The following WNK1 variants were observed in gnomAD, a reference collection of about 807,000 sequenced individuals.
WNK1 encodes serine/threonine-protein kinase WNK1.
WNK1 carries 38 observed loss-of-function variants against 222.8 expected under a neutral mutation model. The ratio of observed to expected loss-of-function variants is 0.17; its 90% CI spans 0.13 to 0.22. WNK1 has a LOEUF of 0.22. WNK1 is among the 10% of genes least tolerant of loss of function. WNK1 has a pLI of 1.00. For synonymous variants in WNK1, 1,090 were observed against 1,092.9 expected, an observed-to-expected ratio of 1.00 and a Z score of 0.05; for missense variants, 2,348 against 2,918.4, an observed-to-expected ratio of 0.80 and a Z score of 4.50.
intron 8 of WNK1, among the ~76,000 whole-genome samples, chr12:869,451 G>A (rs1444322857): frequency 6.6e-6 from 1 of 152,058 alleles, no homozygotes; most frequent in Non-Finnish European, 1.5e-5. Context: ...CATTATTTAG[G>A]AATACAAATC....
intron 4 of WNK1, among the ~76,000 whole-genome samples, chr12:846,618 G>A (rs1463099292): frequency 6.6e-6 from 1 of 152,178 alleles, no homozygotes; most frequent in African/African-American, 2.4e-5. Context: ...GCTGAATCCA[G>A]CCCTATAACA....
intron 1 of WNK1, among the ~76,000 whole-genome samples, 176 bp from the exon 2 acceptor site, chr12:813,459 AAGATACT>A (rs1947084483): frequency 6.6e-6 from 1 of 152,234 alleles, no homozygotes; most frequent in Admixed American, 6.5e-5. Context: ...ATTAACAGTA[AAGATACT>A]AAAATGATCT....
At chr12:789,535 T>C (rs1016427781) in intron 1 of WNK1, among the ~76,000 whole-genome samples, 1 of 75,856 alleles carries the variant, frequency 1.3e-5, no homozygotes, top group East Asian at 2.6e-4. Context: ...GTTATACTCC[T>C]TTTTTTTTTT....
At chr12:822,194 A>G (rs1342682152) in intron 2 of WNK1, among the ~76,000 whole-genome samples, 3 of 148,898 alleles carry the variant, frequency 2.0e-5, no homozygotes, top group Non-Finnish European at 4.4e-5. Flanking sequence ...CCCGGGTTCA[A>G]GCGATTCTCC....
chr12:770,500 T>C (rs1228106195), intron 1 of WNK1, among the ~76,000 whole-genome samples: 1 of 152,270 alleles, frequency 6.6e-6, no homozygotes, highest in Admixed American at 6.5e-5. Context: ...ATGTGACTAC[T>C]AGAAAATTAA....
chr12:859,707 A>ATT (rs56249691), intron 6 of WNK1, among the ~76,000 whole-genome samples: 3 of 140,304 alleles, frequency 2.1e-5, no homozygotes, highest in Non-Finnish European at 4.7e-5. Flanking sequence ...TTAAAAGTAA[A>ATT]TTTTTTTTTT....
At chr12:875,406 T>G (rs1952516065) in intron 9 of WNK1, among the ~76,000 whole-genome samples, 1 of 151,846 alleles carries the variant, frequency 6.6e-6, no homozygotes, top group Non-Finnish European at 1.5e-5. Flanking sequence ...ATGAAACAGG[T>G]GAGAACAAAT....
Position 880,021 on chromosome 12 carries a change from T to A in WNK1, c.2822T>A (p.Val941Asp), listed in dbSNP as rs1209146414. The A allele has an allele frequency of 1.2e-6, 2 of 1,614,104 alleles. No individual in the cohort carries two copies. Among genetic ancestry groups the A allele is most frequent in the Non-Finnish European group, 1.7e-6 (2 of 1,180,002 alleles). ...AAEVPLSSGD[V>D]LYQGFPPRLP... ...GAGGTTCCACTTTCCTCTGGAGATGTTCTGTACCAGGTATTGTGTTAGTTA... is the reference window on the plus strand; with the variant it reads ...GAGGTTCCACTTTCCTCTGGAGATGATCTGTACCAGGTATTGTGTTAGTTA... The change falls in exon 11 of 28, where the codon GTT (valine) becomes GAT (aspartate). Residue 941 changes from valine (V) to aspartate (D), a missense_variant. Physicochemically the swap from Val to Asp is radical, Grantham distance 152. Coordinates refer to ENST00000315939, the MANE Select transcript of WNK1 (RefSeq NM_018979.4).
At chr12:760,004 A>G (rs1940792477) in intron 1 of WNK1, among the ~76,000 whole-genome samples, 1 of 148,200 alleles carries the variant, frequency 6.7e-6, no homozygotes, top group Non-Finnish European at 1.5e-5. Context: ...TATGCTTGAA[A>G]AATCATATAG....
intron 19 of WNK1, among the ~76,000 whole-genome samples, chr12:886,810 G>C (rs1953705002): frequency 6.6e-6 from 1 of 152,114 alleles, no homozygotes. Context: ...TTTGTTATCA[G>C]ACCTGCCCAT....
chr12:911,035 T>C lies in WNK1; in HGVS notation c.*2243T>C. The C allele has an allele frequency of 3.0e-6, 1 of 336,728 alleles. No individual in the cohort carries two copies. The allele number at this position is 336,728 out of a possible 1,614,324, so 20.9% of individuals were successfully genotyped here. Reference sequence around the variant, plus strand: ...TCATGCAGCACATTATCATTTGTTATTTGGGTTTAATAATAATTTTGACAT... The same window carrying C: ...TCATGCAGCACATTATCATTTGTTACTTGGGTTTAATAATAATTTTGACAT... On this transcript the variant is annotated 3_prime_UTR_variant, in exon 28 of 28. Transcript: ENST00000315939.
chr12:891,040 A>G (rs1017226475), intron 22 of WNK1, among the ~76,000 whole-genome samples: 16 of 152,374 alleles, frequency 1.1e-4, no homozygotes, highest in Non-Finnish European at 2.4e-4. Flanking sequence ...CAAAATATGT[A>G]GAGTATCAAG....
In WNK1 at chr12:909,705, CT is replaced by C. The variant is rs1312256074; in HGVS notation, c.*915del. On this transcript the variant is annotated 3_prime_UTR_variant, in exon 28 of 28. Coordinates refer to ENST00000315939, the MANE Select transcript of WNK1 (RefSeq NM_018979.4). ...TTGCTGGACATTTTAGTGCCTTGGACTTCTATTGCTTCTGCCATTAGCATCA... is the reference window on the plus strand; with the variant it reads ...TTGCTGGACATTTTAGTGCCTTGGACTCTATTGCTTCTGCCATTAGCATCA... 3.9e-5 allele frequency: 6 copies of C among 152,320 alleles called. No homozygotes were observed. The highest frequency in any genetic ancestry group is 1.4e-4 in the African/African-American group (6 of 41,570). The allele number at this position is 152,320 out of a possible 1,614,324, so 9.4% of individuals were successfully genotyped here.
chr12:813,418 T>C (rs1184213193), intron 1 of WNK1, among the ~76,000 whole-genome samples: 2 of 152,172 alleles, frequency 1.3e-5, no homozygotes, highest in Non-Finnish European at 2.9e-5. Flanking sequence ...TAACTGCACC[T>C]TACAAAAATG....
intron 6 of WNK1, among the ~76,000 whole-genome samples, chr12:860,303 A>C (rs967171863): frequency 2.6e-5 from 4 of 152,222 alleles, no homozygotes; most frequent in Non-Finnish European, 5.9e-5. Context: ...ACTAGTAGGA[A>C]GCCTTTGATG....
intron 12 of WNK1, 26 bp from the exon 13 acceptor site, chr12:881,666 A>G (rs747761746): frequency 2.5e-5 from 40 of 1,574,518 alleles, no homozygotes; most frequent in Non-Finnish European, 3.5e-5. Context: ...TACTACCGAG[A>G]TTTGAGTTAT....
chr12:910,600 C>T lies in WNK1; in HGVS notation c.*1808C>T, dbSNP rs1479648132. The T allele has an allele frequency of 4.6e-5, 7 of 152,142 alleles. No individual in the cohort carries two copies. The East Asian group carries it at 1.2e-3, about 25-fold the overall frequency. 9.4% of individuals were successfully genotyped at this position (152,142 alleles called of 1,614,324 possible). ...TTATCTCTGAAGACAAAGAAAGAAG[C>T]TAGGACTCTTAATTTTGGGGTGCTT... On this transcript the variant is annotated 3_prime_UTR_variant, in exon 28 of 28. Coordinates refer to ENST00000315939, the MANE Select transcript of WNK1 (RefSeq NM_018979.4).
At position 896,480 on chromosome 12, in the gene WNK1, A is replaced by C; in HGVS notation, c.5993A>C (p.Lys1998Thr). The C allele has an allele frequency of 6.2e-7, 1 of 1,613,976 alleles. No homozygotes were observed. Among genetic ancestry groups the C allele is most frequent in the Non-Finnish European group, 8.5e-7 (1 of 1,180,000 alleles). ...VLPAVIPKKE[K>T]PELSEPSHLN... Reference sequence around the variant, plus strand: ...CCTGCTGTGATACCAAAGAAAGAGAAGCCTGAACTGTCAGAGCCTTCACAT... The same window carrying C: ...CCTGCTGTGATACCAAAGAAAGAGACGCCTGAACTGTCAGAGCCTTCACAT... The change falls in exon 24 of 28, where the codon AAG becomes ACG. Residue 1998 changes from lysine to threonine, a missense_variant. Coordinates refer to ENST00000315939, the MANE Select transcript of WNK1 (RefSeq NM_018979.4).
intron 10 of WNK1, 117 bp downstream of exon 10, chr12:878,478 G>A (rs1952823991): frequency 8.5e-7 from 1 of 1,183,398 alleles, no homozygotes; most frequent in African/African-American, 1.5e-5. Context: ...TTCTTCTAAG[G>A]GTAACCAACC....
Sources: gnomAD v4.1 joint callset for allele counts (sites outside exome capture counted in the v4.1 genomes callset) on GRCh38, gnomAD v4.1.1 for gene constraint, MANE v1.5 for transcripts, NCBI Gene and HGNC (gene_info 2026-07-23, HGNC 2026-07-21) for gene names.